Variants in OTULINL observed in about 807,000 individuals in gnomAD.
OTULINL encodes OTU deubiquitinase with linear linkage specificity like, also known as inactive ubiquitin thioesterase OTULINL.
Under a neutral mutation model 43.9 loss-of-function variants are expected in OTULINL, and 42 were observed. The ratio of observed to expected loss-of-function variants is 0.96; its 90% CI spans 0.75 to 1.24. The LOEUF is 1.24. Among genes scored for constraint, OTULINL ranks in the 50% most tolerant of loss-of-function variants. The pLI, the probability that OTULINL is intolerant of heterozygous loss-of-function variation, is 0.00. For missense variants in OTULINL, 411 were observed against 426.4 expected (o/e 0.96, Z 0.32); for synonymous variants, 172 against 153.6 (o/e 1.12, Z -0.88).
At chr5:14,605,478 T>C (rs1482729483) in intron 5 of OTULINL, among the ~76,000 whole-genome samples, 2 of 152,186 alleles carry the variant, frequency 1.3e-5, no homozygotes, top group Non-Finnish European at 2.9e-5. Flanking sequence ...ATTGTCTTGG[T>C]GATTAACATT....
Position 14,614,169 on chromosome 5 carries a change from A to G in OTULINL, c.*3855A>G, listed in dbSNP as rs888535821. On this transcript the variant is annotated 3_prime_UTR_variant, in exon 8 of 8. Transcript: ENST00000274217. ...GCAAGAATGTTTTTCACACTGCTTA[A>G]TAAGACCAGTTAATGTGTAAAACAG... Among the ~76,000 whole-genome samples the G allele has an allele frequency of 1.3e-5, 2 of 149,338 alleles. No individual in the cohort carries two copies. Among genetic ancestry groups the G allele is most frequent in the African/African-American group, 2.5e-5 (1 of 40,286 alleles).
rs1759661901 is a variant in OTULINL at position 14,615,654 on chromosome 5, C to A, written c.*5340C>A. ...AAATATTTACATCTGTTATGAAAAGCTACCTTTAGCCGTAGATAAACATTA... is the reference window on the plus strand; with the variant it reads ...AAATATTTACATCTGTTATGAAAAGATACCTTTAGCCGTAGATAAACATTA... On this transcript the variant is annotated 3_prime_UTR_variant, in exon 8 of 8. Transcript: ENST00000274217. Among the ~76,000 whole-genome samples the A allele has an allele frequency of 6.6e-6, 1 of 152,176 alleles. No homozygotes were observed. The highest frequency in any genetic ancestry group is 1.5e-5 in the Non-Finnish European group (1 of 68,038).
chr5:14,614,313 TTTCTC>T lies in OTULINL; in HGVS notation c.*4001_*4005del, dbSNP rs1413766992. 3.3e-5 allele frequency among the ~76,000 whole-genome samples: 5 copies of T among 152,228 alleles called. No individual in the cohort carries two copies. The highest frequency in any genetic ancestry group is 2.0e-4 in the Admixed American group (3 of 15,280). On this transcript the variant is annotated 3_prime_UTR_variant, in exon 8 of 8. Transcript: ENST00000274217. Reference sequence around the variant, plus strand: ...CTTATTGACTATATATGGGTATACTTTTCTCTATAGCCATTCACTTTTTTAAAGTT... The same window carrying T: ...CTTATTGACTATATATGGGTATACTTTATAGCCATTCACTTTTTTAAAGTT...
intron 1 of OTULINL, among the ~76,000 whole-genome samples, chr5:14,591,636 C>T (rs1451446560): frequency 2.0e-5 from 3 of 152,184 alleles, no homozygotes; most frequent in African/African-American, 7.2e-5. Context: ...TGAGTGAAAC[C>T]CCTGGCCCTC....
chr5:14,588,818 C>T (rs1340716969), intron 1 of OTULINL, among the ~76,000 whole-genome samples: 2 of 152,168 alleles, frequency 1.3e-5, no homozygotes, highest in Non-Finnish European at 2.9e-5. Context: ...AGGAACACAC[C>T]CCTCTTAACA....
chr5:14,587,909 C>A (rs994169688), intron 1 of OTULINL, among the ~76,000 whole-genome samples: 1 of 152,082 alleles, frequency 6.6e-6, no homozygotes, highest in Non-Finnish European at 1.5e-5. Flanking sequence ...CCTTTCCCTC[C>A]CAGTCTCCTT....
intron 5 of OTULINL, among the ~76,000 whole-genome samples, chr5:14,604,515 C>T (rs912142901): frequency 6.6e-6 from 1 of 152,166 alleles, no homozygotes; most frequent in African/African-American, 2.4e-5. Context: ...GTTCACAGTA[C>T]AAAGTCTCAT....
intron 1 of OTULINL, among the ~76,000 whole-genome samples, chr5:14,594,605 G>A (rs1759256275): frequency 6.6e-6 from 1 of 152,202 alleles, no homozygotes; most frequent in Admixed American, 6.5e-5. Context: ...CCAGCCCAGG[G>A]GGGAAGAAGT....
Position 14,615,425 on chromosome 5 carries a change from A to G in OTULINL, c.*5111A>G, listed in dbSNP as rs763707064. Among the ~76,000 whole-genome samples the G allele has an allele frequency of 3.9e-5, 6 of 152,136 alleles. No individual in the cohort carries two copies. The highest frequency in any genetic ancestry group is 8.8e-5 in the Non-Finnish European group (6 of 68,038). ...GATTCATGGAAAGAACCCCAGGGCA[A>G]GGTGAGGAGAAGCAGCTGGTACAGA... is the stretch of plus-strand genomic sequence containing the variant. On this transcript the variant is annotated 3_prime_UTR_variant, in exon 8 of 8. Transcript: ENST00000274217.
At chr5:14,588,423 A>G (rs1357782930) in intron 1 of OTULINL, among the ~76,000 whole-genome samples, 1 of 152,112 alleles carries the variant, frequency 6.6e-6, no homozygotes, top group Non-Finnish European at 1.5e-5. Context: ...CCATCCTACT[A>G]GATGACCACT....
At position 14,616,097 on chromosome 5, in the gene OTULINL, A is replaced by T. The variant is rs78480812; in HGVS notation, c.*5783A>T. On this transcript the variant is annotated 3_prime_UTR_variant, in exon 8 of 8. Coordinates refer to ENST00000274217, the MANE Select transcript of OTULINL (RefSeq NM_019018.3). The stretch of plus-strand genomic sequence containing the variant: ...AATATAGCACCAAGATTAGATTGTT[A>T]TAAAAGTTTCTAAACACTTTCAGTT... Among the ~76,000 whole-genome samples, 355 of 152,360 alleles carry T rather than the reference A, an allele frequency of 2.3e-3. 7 individuals are homozygous for T. In the East Asian group the frequency reaches 0.056, roughly 24 times the overall value.
intron 5 of OTULINL, among the ~76,000 whole-genome samples, chr5:14,602,998 C>G (rs1159102165): frequency 6.6e-6 from 1 of 152,172 alleles, no homozygotes; most frequent in Non-Finnish European, 1.5e-5. Flanking sequence ...CTCCTCCTAC[C>G]CCAGCCCCTG....
rs1483743209 is a variant in OTULINL, at chr5:14,613,355, C to T, written c.*3041C>T. ...CAAAGCAGGCAACTTTAATTCCCTA[C>T]CTGGTATCTGGATTCCTTTTCCTTT... is the stretch of plus-strand genomic sequence containing the variant. On this transcript the variant is annotated 3_prime_UTR_variant, in exon 8 of 8. Coordinates refer to ENST00000274217, the MANE Select transcript of OTULINL (RefSeq NM_019018.3). Among the ~76,000 whole-genome samples, 1 of 152,162 alleles carries T rather than the reference C, an allele frequency of 6.6e-6. No individual in the cohort carries two copies. Among genetic ancestry groups the T allele is most frequent in the African/African-American group, 2.4e-5 (1 of 41,442 alleles).
At chr5:14,582,506 C>G (rs1759025818) in intron 1 of OTULINL, among the ~76,000 whole-genome samples, 1 of 151,890 alleles carries the variant, frequency 6.6e-6, no homozygotes, top group South Asian at 2.1e-4. Flanking sequence ...AAAAATTCAC[C>G]CAGACGGGGC....
chr5:14,604,796 T>C (rs1457387806), intron 5 of OTULINL, among the ~76,000 whole-genome samples: 1 of 152,220 alleles, frequency 6.6e-6, no homozygotes, highest in Non-Finnish European at 1.5e-5. Flanking sequence ...CAGGTCACAC[T>C]GATGCAAGAG....
At position 14,602,539 on chromosome 5, in the gene OTULINL, G is replaced by A. The variant is rs201802890; in HGVS notation, c.498+207G>A. Among the ~76,000 whole-genome samples the A allele has an allele frequency of 2.6e-5, 4 of 152,256 alleles. No individual in the cohort carries two copies. The East Asian group carries it at 7.7e-4, about 29-fold the overall frequency. On this transcript the variant is annotated intron_variant, in intron 5 of 7. Transcript: ENST00000274217. The stretch of plus-strand genomic sequence containing the variant: ...CAGCCTTGACCTTCTGGGCTCAAGT[G>A]ATTCTCCTATCTCAGCCTCCTGAGT...
chr5:14,601,331 T>C lies in OTULINL; in HGVS notation c.257-20T>C. The C allele has an allele frequency of 6.2e-7, 1 of 1,613,078 alleles. No individual in the cohort carries two copies. The highest frequency in any genetic ancestry group is 8.5e-7 in the Non-Finnish European group (1 of 1,179,586). On this transcript the variant is annotated intron_variant, in intron 3 of 7. Transcript: ENST00000274217. ...GAAGAAAGGGAGAATTAACAGCTTT[T>C]TATTTTTTATTTGGTCCAGGGAACC...
chr5:14,581,884 G>T lies in OTULINL; in HGVS notation c.-11G>T, dbSNP rs1164325735. 8 of 1,409,668 alleles carry T rather than the reference G, an allele frequency of 5.7e-6. No homozygotes were observed. The highest frequency in any genetic ancestry group is 7.4e-6 in the Non-Finnish European group (8 of 1,082,152). The allele number at this position is 1,409,668 out of a possible 1,614,324, so 87.3% of individuals were successfully genotyped here. A position where few individuals can be genotyped will look rare whatever the true frequency, so the allele number is the denominator to read the frequency against. ...GGCCGAGGCCCAGCGCCCGTCCGCA[G>T]CGCGGCCGGCATGGCGGCGACAAGG... On this transcript the variant is annotated 5_prime_UTR_variant, in exon 1 of 8. Coordinates refer to ENST00000274217, the MANE Select transcript of OTULINL (RefSeq NM_019018.3).
rs913126325 is a variant in OTULINL, at chr5:14,583,893, G to GT, written c.64+1944dup. Among the ~76,000 whole-genome samples the GT allele has an allele frequency of 4.9e-3, 745 of 151,516 alleles. 3 individuals are homozygous for GT. The highest frequency in any genetic ancestry group is 0.017 in the African/African-American group (694 of 41,296). On this transcript the variant is annotated intron_variant, in intron 1 of 7. Transcript: ENST00000274217. ...CAACAGAAGAAAACCCACAGAAGAGGTTTTTTTTTGTTTGATTTTTACTAT... is the reference window on the plus strand; with the variant it reads ...CAACAGAAGAAAACCCACAGAAGAGGTTTTTTTTTTGTTTGATTTTTACTAT...
Sources: gnomAD v4.1 joint callset for allele counts (sites outside exome capture counted in the v4.1 genomes callset) on GRCh38, gnomAD v4.1.1 for gene constraint, MANE v1.5 for transcripts, NCBI Gene and HGNC (gene_info 2026-07-23, HGNC 2026-07-21) for gene names.